The following GPBP1L1 variants were observed in gnomAD, a reference collection of about 807,000 sequenced individuals.
GPBP1L1 encodes vasculin-like protein 1.
Under a neutral mutation model 52.5 loss-of-function variants are expected in GPBP1L1, and 23 were observed. The observed-to-expected ratio is 0.44, with a 90% CI of 0.32 to 0.62. GPBP1L1 has a LOEUF of 0.62. Among genes scored for constraint, GPBP1L1 ranks in the 20% least tolerant of loss-of-function variants. The pLI is 0.06. For synonymous variants in GPBP1L1, 243 were observed against 203.1 expected (o/e 1.20, Z -1.67); for missense variants, 596 against 579.3 (o/e 1.03, Z -0.30).
chr1:45,654,857 A>C, intron 5 of GPBP1L1, 28 bp from the exon 6 acceptor site: 2 of 1,595,778 alleles, frequency 1.3e-6, no homozygotes, highest in Non-Finnish European at 1.7e-6. Flanking sequence ...AGGACTAATT[A>C]GATTGTTTGC....
At chr1:45,685,335 C>T (rs564252575) in intron 2 of GPBP1L1, among the ~76,000 whole-genome samples, 1 of 152,320 alleles carries the variant, frequency 6.6e-6, no homozygotes, top group African/African-American at 2.4e-5. Context: ...AAGAACACGA[C>T]TTACTACTAA....
At chr1:45,641,381 C>G (rs1385449008) in intron 7 of GPBP1L1, among the ~76,000 whole-genome samples, 1 of 151,564 alleles carries the variant, frequency 6.6e-6, no homozygotes, top group East Asian at 1.9e-4. Flanking sequence ...GCCTGGGCGA[C>G]AGAGTGAGAT....
At position 45,660,357 on chromosome 1, in the gene GPBP1L1, T is replaced by C. The variant is rs1469909786; in HGVS notation, c.-229A>G. The C allele has an allele frequency of 2.0e-6, 2 of 984,532 alleles. No individual in the cohort carries two copies. Among genetic ancestry groups the C allele is most frequent in the Non-Finnish European group, 2.4e-6 (2 of 829,824 alleles). 61.0% of individuals were successfully genotyped at this position (984,532 alleles called of 1,614,324 possible). A position where few individuals can be genotyped will look rare whatever the true frequency, so the allele number is the denominator to read the frequency against. The stretch of plus-strand genomic sequence containing the variant: ...TCACTCTCTCAGTCCCCTCAACTGC[T>C]CATCTTAAACTATTTGGTTCCTGAC... On this transcript the variant is annotated 5_prime_UTR_variant, in exon 3 of 13. Transcript: ENST00000355105.
At chr1:45,679,754 C>G (rs530788528) in intron 2 of GPBP1L1, among the ~76,000 whole-genome samples, 110 of 152,098 alleles carry the variant, frequency 7.2e-4, no homozygotes, top group African/African-American at 2.5e-3. Context: ...AAAAAAATTT[C>G]CTAAAAAGTA....
intron 2 of GPBP1L1, among the ~76,000 whole-genome samples, chr1:45,679,391 C>T (rs182938373): frequency 1.3e-5 from 2 of 152,188 alleles, no homozygotes; most frequent in African/African-American, 4.8e-5. Flanking sequence ...GAATGAACTC[C>T]AAACGGTCCT....
At chr1:45,628,732 T>C (rs1168041852) in intron 12 of GPBP1L1, among the ~76,000 whole-genome samples, 2 of 152,188 alleles carry the variant, frequency 1.3e-5, no homozygotes, top group Non-Finnish European at 2.9e-5. Context: ...GGCACAATCT[T>C]GGCTCACTGC....
chr1:45,651,034 C>A, intron 6 of GPBP1L1: 1 of 468,654 alleles, frequency 2.1e-6, no homozygotes, highest in South Asian at 1.6e-5. Context: ...ACATTTAATC[C>A]AATTGGTGGC....
intron 6 of GPBP1L1, among the ~76,000 whole-genome samples, chr1:45,652,098 G>A (rs1321735416): frequency 1.3e-5 from 2 of 152,198 alleles, no homozygotes; most frequent in African/African-American, 2.4e-5. Flanking sequence ...TGTCCAGTGC[G>A]TTTTAAGTGT....
chr1:45,672,507 T>C (rs1557719795), intron 2 of GPBP1L1, among the ~76,000 whole-genome samples: 1 of 150,310 alleles, frequency 6.7e-6, no homozygotes, highest in Non-Finnish European at 1.5e-5. Context: ...ATTCCACAAA[T>C]AATGAGAGAC....
At chr1:45,659,338 C>CA (rs995461760) in intron 3 of GPBP1L1, among the ~76,000 whole-genome samples, 196 bp from the exon 4 acceptor site, 8 of 152,102 alleles carry the variant, frequency 5.3e-5, no homozygotes, top group Admixed American at 2.0e-4. Flanking sequence ...AAGTTCTAAA[C>CA]AAAAGAAAAC....
At chr1:45,640,632 G>A (rs1644660144) in intron 7 of GPBP1L1, among the ~76,000 whole-genome samples, 1 of 152,212 alleles carries the variant, frequency 6.6e-6, no homozygotes, top group African/African-American at 2.4e-5. Flanking sequence ...AAATCAGCCA[G>A]GAAGTCCAAA....
rs1427966310 is a variant in GPBP1L1, at chr1:45,660,226, G to A, written c.-98C>T. 8.2e-5 allele frequency: 81 copies of A among 985,056 alleles called. No individual in the cohort carries two copies. Among genetic ancestry groups the A allele is most frequent in the Non-Finnish European group, 9.6e-5 (80 of 829,910 alleles). The allele number at this position is 985,056 out of a possible 1,614,324, so 61.0% of individuals were successfully genotyped here. A position where few individuals can be genotyped will look rare whatever the true frequency, so the allele number is the denominator to read the frequency against. On this transcript the variant is annotated 5_prime_UTR_variant, in exon 3 of 13. Transcript: ENST00000355105. ...GTGGTCCTGTTTCTGAACTCGAGTC[G>A]GCCAGCTGGATCTCCCACAAGGTTT...
In GPBP1L1 at chr1:45,644,030, C is replaced by T. The variant is rs375971503; in HGVS notation, c.478-1531G>A. On this transcript the variant is annotated intron_variant, in intron 6 of 12. Transcript: ENST00000355105. ...TACAAACAACAAAAAGACACCCAGG[C>T]TCCACTACAGAGCTTCAGAATCAGA... 1.6e-4 allele frequency among the ~76,000 whole-genome samples: 25 copies of T among 152,298 alleles called. 1 individual carries two copies. The South Asian group carries it at 5.2e-3, about 32-fold the overall frequency.
intron 10 of GPBP1L1, among the ~76,000 whole-genome samples, chr1:45,632,597 T>C (rs889880595): frequency 5.9e-5 from 9 of 152,058 alleles, no homozygotes; most frequent in African/African-American, 2.2e-4. Flanking sequence ...GTGCCTGTAA[T>C]CCCAGCTACT....
chr1:45,661,429 G>A (rs1255772504), intron 2 of GPBP1L1, among the ~76,000 whole-genome samples: 1 of 151,396 alleles, frequency 6.6e-6, no homozygotes, highest in Non-Finnish European at 1.5e-5. Context: ...TTAAGGATTT[G>A]AGAAAAGTCA....
intron 6 of GPBP1L1, chr1:45,645,776 T>G (rs1028439251): frequency 1.2e-4 from 42 of 356,544 alleles, no homozygotes; most frequent in African/African-American, 7.2e-4. Context: ...TTGTTTTTTT[T>G]TTTTTTGAGG....
rs1486633363 is a variant in GPBP1L1 at position 45,654,811 on chromosome 1, G to A, written c.209C>T (p.Ser70Phe). Reference sequence around the variant, plus strand: ...GTCCACAGAATCATGGCGGAACAGGGAGGGCTGGTGCCAAGAATCTAGAAT... The same window carrying A: ...GTCCACAGAATCATGGCGGAACAGGAAGGGCTGGTGCCAAGAATCTAGAAT... ...RTAGDSWHQPSLFRHDSVDSG... is the reference protein window; with the variant it reads ...RTAGDSWHQPFLFRHDSVDSG... Residue 70 changes from serine (S) to phenylalanine (F), a missense_variant, in exon 6 of 13, where the codon TCC becomes TTC. By Grantham distance (155) the Ser-to-Phe change is radical (BLOSUM62 -2). Transcript: ENST00000355105. The A allele has an allele frequency of 1.9e-6, 3 of 1,614,024 alleles. No homozygotes were observed. The highest frequency in any genetic ancestry group is 2.5e-6 in the Non-Finnish European group (3 of 1,179,976).
intron 2 of GPBP1L1, among the ~76,000 whole-genome samples, chr1:45,670,982 C>T (rs1012768280): frequency 2.0e-5 from 3 of 151,552 alleles, no homozygotes; most frequent in East Asian, 1.9e-4. Context: ...TCACTAGAGA[C>T]GGGGTTTCAC....
At chr1:45,672,864 A>G (rs1645090701) in intron 2 of GPBP1L1, among the ~76,000 whole-genome samples, 1 of 152,342 alleles carries the variant, frequency 6.6e-6, no homozygotes, top group South Asian at 2.1e-4. Flanking sequence ...CTGGATTCAC[A>G]TGGAAGTGTC....
Sources: gnomAD v4.1 joint callset for allele counts (sites outside exome capture counted in the v4.1 genomes callset) on GRCh38, gnomAD v4.1.1 for gene constraint, MANE v1.5 for transcripts, NCBI Gene and HGNC (gene_info 2026-07-23, HGNC 2026-07-21) for gene names.